The following CFLAR variants were observed in gnomAD, a reference collection of about 807,000 sequenced individuals.
CFLAR encodes CASP8 and FADD-like apoptosis regulator.
CFLAR carries 14 observed loss-of-function variants against 51.1 expected under a neutral mutation model. The observed-to-expected ratio is 0.27, with a 90% confidence interval of 0.18 to 0.43. The LOEUF (loss-of-function observed/expected upper bound fraction) is 0.43, where lower values mean the gene tolerates loss of function less well. Among genes scored for constraint, CFLAR ranks in the 20% least tolerant of loss-of-function variants. CFLAR has a pLI of 1.00. For synonymous variants in CFLAR, 210 were observed against 211.6 expected (o/e 0.99, Z 0.06); for missense variants, 390 against 566.5 (o/e 0.69, Z 3.16).
intron 3 of CFLAR, among the ~76,000 whole-genome samples, chr2:201,134,504 G>A (rs2049826444): frequency 6.6e-6 from 1 of 151,062 alleles, no homozygotes; most frequent in South Asian, 2.1e-4. Flanking sequence ...GCGTAGTGGT[G>A]GGCGCCTGTA....
At position 201,138,679 on chromosome 2, in the gene CFLAR, C is replaced by T. The variant is rs180806226; in HGVS notation, c.524-1678C>T. ...ATCTTGGCCTCCAACACATCACCCA[C>T]AGTGTGCAAGGGGCTCAGCACCACG... On this transcript the variant is annotated intron_variant, in intron 4 of 9. Coordinates refer to ENST00000309955, the MANE Select transcript of CFLAR (RefSeq NM_003879.7). This position sits in a 1 kb window ranked among gnomAD's most constrained non-coding sequence, Gnocchi z 4.0. The T allele has an allele frequency of 8.3e-6, 8 of 961,272 alleles. No homozygotes were observed. In the East Asian group the frequency reaches 1.7e-4, roughly 20 times the overall value. The allele number at this position is 961,272 out of a possible 1,614,324, so 59.5% of individuals were successfully genotyped here.
intron 8 of CFLAR, among the ~76,000 whole-genome samples, chr2:201,151,860 C>T (rs1361849421): frequency 6.6e-6 from 1 of 152,058 alleles, no homozygotes; most frequent in East Asian, 1.9e-4. Context: ...TTGAATTTTT[C>T]TGCATTATAG....
rs1170925099 is a variant in CFLAR at position 201,169,297 on chromosome 2, AAAG to A, written c.*5329_*5331del. The stretch of plus-strand genomic sequence containing the variant: ...CAATGGAACAGAATAGAGACCAGAG[AAAG>A]AAGACCACACATCTACAGCCATCTG... On this transcript the variant is annotated 3_prime_UTR_variant, in exon 10 of 10. Transcript: ENST00000309955. The A allele has an allele frequency of 6.6e-6, 1 of 152,178 alleles. No homozygotes were observed. The highest frequency in any genetic ancestry group is 1.5e-5 in the Non-Finnish European group (1 of 68,036). The allele number at this position is 152,178 out of a possible 1,614,324, so 9.4% of individuals were successfully genotyped here. A position where few individuals can be genotyped will look rare whatever the true frequency, so the allele number is the denominator to read the frequency against.
chr2:201,131,678 C>T (rs1025331090), intron 2 of CFLAR, among the ~76,000 whole-genome samples: 2 of 151,980 alleles, frequency 1.3e-5, no homozygotes, highest in African/African-American at 4.8e-5. Context: ...CTTGGAAAGC[C>T]TGTTTTTTTG....
chr2:201,138,617 C>T lies in CFLAR; in HGVS notation c.524-1740C>T, dbSNP rs1388199975. Reference sequence around the variant, plus strand: ...CCACCAGCTTGCTGCCCATGGTACCCGTCTCAGTGATGGGGATGCCAGAGA... The same window carrying T: ...CCACCAGCTTGCTGCCCATGGTACCTGTCTCAGTGATGGGGATGCCAGAGA... On this transcript the variant is annotated intron_variant, in intron 4 of 9. Coordinates refer to ENST00000309955, the MANE Select transcript of CFLAR (RefSeq NM_003879.7). The surrounding 1 kb of genome is among the most constrained non-coding windows in gnomAD (Gnocchi z 4.0). The T allele has an allele frequency of 9.0e-6, 14 of 1,558,464 alleles. No individual in the cohort carries two copies. The highest frequency in any genetic ancestry group is 1.1e-5 in the Non-Finnish European group (13 of 1,144,558).
intron 4 of CFLAR, chr2:201,137,818 C>G (rs2050348305): frequency 8.3e-7 from 1 of 1,203,480 alleles, no homozygotes; most frequent in South Asian, 1.2e-5. Flanking sequence ...TCCAGTGAGC[C>G]CATGCCCTGG....
chr2:201,158,098 T>C (rs1005912020), intron 8 of CFLAR, among the ~76,000 whole-genome samples: 1 of 152,224 alleles, frequency 6.6e-6, no homozygotes, highest in African/African-American at 2.4e-5. Flanking sequence ...AGATTCCCAT[T>C]TCCTTCCTAG....
At chr2:201,153,192 GC>G (rs1196197218) in intron 8 of CFLAR, 1 of 152,180 alleles carries the variant, frequency 6.6e-6, no homozygotes, top group African/African-American at 2.4e-5. Context: ...TGGGCTTGAG[GC>G]CACTTATAAA....
chr2:201,155,928 T>C (rs888819968), intron 8 of CFLAR, among the ~76,000 whole-genome samples: 3 of 152,034 alleles, frequency 2.0e-5, no homozygotes, highest in African/African-American at 7.2e-5. Flanking sequence ...TCTGGCTAAC[T>C]TTGTTTTTTA....
intron 9 of CFLAR, 72 bp downstream of exon 9, chr2:201,161,014 T>C: frequency 9.4e-7 from 1 of 1,059,864 alleles, no homozygotes; most frequent in Non-Finnish European, 1.4e-6. Context: ...GAATTACCAC[T>C]GTGCCACATT....
intron 4 of CFLAR, 86 bp downstream of exon 4, chr2:201,136,193 G>A (rs775791604): frequency 6.2e-7 from 1 of 1,610,926 alleles, no homozygotes; most frequent in East Asian, 2.2e-5. Flanking sequence ...TCATTTGTTG[G>A]ATAGGTGGAT....
chr2:201,152,698 G>A (rs1202899828), intron 8 of CFLAR: 1 of 152,210 alleles, frequency 6.6e-6, no homozygotes, highest in South Asian at 2.1e-4. Context: ...CATAACTTGA[G>A]AGGGTTATCC....
chr2:201,138,620 C>G lies in CFLAR; in HGVS notation c.524-1737C>G. ...CCAGCTTGCTGCCCATGGTACCCGTCTCAGTGATGGGGATGCCAGAGAAGC... is the reference window on the plus strand; with the variant it reads ...CCAGCTTGCTGCCCATGGTACCCGTGTCAGTGATGGGGATGCCAGAGAAGC... On this transcript the variant is annotated intron_variant, in intron 4 of 9. Coordinates refer to ENST00000309955, the MANE Select transcript of CFLAR (RefSeq NM_003879.7). The surrounding 1 kb of genome is among the most constrained non-coding windows in gnomAD (Gnocchi z 4.0). 1 of 1,536,998 alleles carries G rather than the reference C, an allele frequency of 6.5e-7. No individual in the cohort carries two copies. The highest frequency in any genetic ancestry group is 8.9e-7 in the Non-Finnish European group (1 of 1,124,678).
At position 201,138,692 on chromosome 2, in the gene CFLAR, G is replaced by A; in HGVS notation, c.524-1665G>A. ...ACACATCACCCACAGTGTGCAAGGG[G>A]CTCAGCACCACGGGGTGTGTGATAA... On this transcript the variant is annotated intron_variant, in intron 4 of 9. Coordinates refer to ENST00000309955, the MANE Select transcript of CFLAR (RefSeq NM_003879.7). The surrounding 1 kb of genome is among the most constrained non-coding windows in gnomAD (Gnocchi z 4.0). 1 of 859,350 alleles carries A rather than the reference G, an allele frequency of 1.2e-6. No homozygotes were observed. Among genetic ancestry groups the A allele is most frequent in the Non-Finnish European group, 2.0e-6 (1 of 504,060 alleles). 53.2% of individuals were successfully genotyped at this position (859,350 alleles called of 1,614,324 possible).
intron 1 of CFLAR, among the ~76,000 whole-genome samples, chr2:201,119,950 T>G (rs1386942219): frequency 6.6e-6 from 1 of 151,740 alleles, no homozygotes; most frequent in African/African-American, 2.4e-5. Context: ...AGATATTTCA[T>G]TTTTTAAAAT....
At chr2:201,117,917 G>A (rs2047776482) in intron 1 of CFLAR, among the ~76,000 whole-genome samples, 1 of 152,018 alleles carries the variant, frequency 6.6e-6, no homozygotes. Flanking sequence ...CACCATGCCC[G>A]GCTAGTTTTG....
intron 1 of CFLAR, among the ~76,000 whole-genome samples, chr2:201,121,720 T>G (rs145195027): frequency 2.0e-4 from 31 of 152,370 alleles, no homozygotes; most frequent in African/African-American, 7.5e-4. Flanking sequence ...ATGGAGAATC[T>G]GTTGTGTAAA....
intron 8 of CFLAR, among the ~76,000 whole-genome samples, chr2:201,150,832 G>A (rs1322204177): frequency 1.3e-5 from 2 of 152,194 alleles, no homozygotes; most frequent in Non-Finnish European, 2.9e-5. Flanking sequence ...GTCTCGCTGT[G>A]TGTCAGGAGG....
intron 6 of CFLAR, 173 bp downstream of exon 6, chr2:201,145,605 TG>T (rs1247193752): frequency 1.7e-6 from 1 of 571,914 alleles, no homozygotes; most frequent in Non-Finnish European, 3.1e-6. Flanking sequence ...AGTTGTCTAT[TG>T]AATTAGCTTA....
Sources: allele counts gnomAD v4.1 joint callset (sites outside exome capture counted in the v4.1 genomes callset), GRCh38; gene constraint gnomAD v4.1.1; non-coding constraint Gnocchi (gnomAD v3.1); transcripts MANE v1.5; gene names NCBI Gene and HGNC (gene_info 2026-07-23, HGNC 2026-07-21).